Variants in UNC13C observed in about 807,000 individuals in gnomAD.
UNC13C encodes the protein protein unc-13 homolog C.
A neutral mutation model predicts 245.4 loss-of-function variants in UNC13C; 174 were observed. The observed-to-expected ratio is 0.71, with a 90% CI of 0.63 to 0.80. The LOEUF is 0.80. UNC13C is among the 30% of genes least tolerant of loss of function. UNC13C has a pLI of 0.00. For synonymous variants in UNC13C, 992 were observed against 895.1 expected, an observed-to-expected ratio of 1.11 and a Z score of -1.93; for missense variants, 2,829 against 2,602.9, an observed-to-expected ratio of 1.09 and a Z score of -1.89.
chr15:54,321,575 C>T (rs2414301), intron 13 of UNC13C: 77,276 of 389,516 alleles, frequency 0.2, 10,554 homozygotes, highest in East Asian at 0.73. Context: ...TCCCCGTCAC[C>T]CCTCAGACTC....
chr15:53,982,109 A>G (rs1408928786), intron 1 of UNC13C, among the ~76,000 whole-genome samples: 4 of 152,112 alleles, frequency 2.6e-5, no homozygotes, highest in African/African-American at 9.7e-5. Context: ...GTAATCATAA[A>G]AGATGGGCTT....
intron 2 of UNC13C, among the ~76,000 whole-genome samples, chr15:54,099,641 C>T (rs1166245185): frequency 6.6e-6 from 1 of 152,078 alleles, no homozygotes; most frequent in Non-Finnish European, 1.5e-5. Context: ...ATTCCTAAAC[C>T]TAAGTGCATC....
chr15:54,180,173 T>G (rs112536560), intron 4 of UNC13C, among the ~76,000 whole-genome samples: 1 of 151,986 alleles, frequency 6.6e-6, no homozygotes, highest in Non-Finnish European at 1.5e-5. Context: ...TCCGCTCTGA[T>G]AGTCCCCGGT....
chr15:54,100,352 T>C (rs1900099598), intron 2 of UNC13C, among the ~76,000 whole-genome samples: 1 of 152,204 alleles, frequency 6.6e-6, no homozygotes, highest in African/African-American at 2.4e-5. Context: ...GGTTACTCTC[T>C]GCTTATTGAC....
chr15:54,422,372 C>T (rs2040664278), intron 19 of UNC13C, among the ~76,000 whole-genome samples: 1 of 152,006 alleles, frequency 6.6e-6, no homozygotes, highest in Non-Finnish European at 1.5e-5. Context: ...TTCTTATGAT[C>T]CATTAGCTCA....
intron 9 of UNC13C, 51 bp downstream of exon 9, chr15:54,264,446 T>A: frequency 7.3e-7 from 1 of 1,372,308 alleles, no homozygotes; most frequent in Non-Finnish European, 1.0e-6. Context: ...GATTTTTATG[T>A]GCCCTAGAAA....
chr15:54,402,494 T>A (rs2040208102), intron 18 of UNC13C, among the ~76,000 whole-genome samples: 1 of 152,132 alleles, frequency 6.6e-6, no homozygotes, highest in African/African-American at 2.4e-5. Flanking sequence ...GATCTTGAAT[T>A]TTTCAAGGTT....
chr15:54,563,643 A>G (rs1897384916), intron 29 of UNC13C, among the ~76,000 whole-genome samples: 1 of 152,036 alleles, frequency 6.6e-6, no homozygotes, highest in Non-Finnish European at 1.5e-5. Flanking sequence ...TAAACCCCAC[A>G]TTTACAAATT....
At chr15:54,286,363 A>G (rs17818362) in intron 10 of UNC13C, among the ~76,000 whole-genome samples, 6,444 of 152,250 alleles carry the variant, frequency 0.042, 205 homozygotes, top group Non-Finnish European at 0.069. Context: ...AGTGTGAAGT[A>G]TATTTTAGTT....
intron 30 of UNC13C, among the ~76,000 whole-genome samples, chr15:54,620,167 G>T (rs771153519): frequency 6.6e-6 from 1 of 152,086 alleles, no homozygotes; most frequent in Non-Finnish European, 1.5e-5. Context: ...CCACCCAGGA[G>T]GTTTCAGAAA....
chr15:54,444,652 T>C (rs1890707748), intron 19 of UNC13C, among the ~76,000 whole-genome samples: 1 of 151,936 alleles, frequency 6.6e-6, no homozygotes, highest in South Asian at 2.1e-4. Flanking sequence ...GGATTTTCTA[T>C]AGTCATAACA....
intron 19 of UNC13C, among the ~76,000 whole-genome samples, chr15:54,487,792 CAGAGAG>C (rs10540751): frequency 1.5e-4 from 18 of 116,512 alleles, no homozygotes; most frequent in Non-Finnish European, 3.4e-4. Context: ...AAAAAAAAGA[CAGAGAG>C]AGAGAAAAGA....
chr15:54,174,419 A>AT (rs941987242), intron 4 of UNC13C, among the ~76,000 whole-genome samples: 1 of 152,054 alleles, frequency 6.6e-6, no homozygotes, highest in Non-Finnish European at 1.5e-5. Flanking sequence ...TTGTGGAGAG[A>AT]TTTTTCATAG....
intron 4 of UNC13C, among the ~76,000 whole-genome samples, chr15:54,217,020 T>C (rs1012756530): frequency 2.0e-5 from 3 of 152,088 alleles, no homozygotes; most frequent in Middle Eastern, 3.4e-3. Context: ...ATAAAGAAAA[T>C]CATTCTGCTT....
the UNC13C span, among the ~76,000 whole-genome samples, chr15:53,924,610 CTTTG>C: frequency 6.6e-6 from 1 of 152,118 alleles, no homozygotes; most frequent in African/African-American, 2.4e-5. Flanking sequence ...TTATCTTGTG[CTTTG>C]TTTAACCTAA....
At chr15:54,142,801 C>A (rs2141236414) in intron 2 of UNC13C, among the ~76,000 whole-genome samples, 1 of 152,270 alleles carries the variant, frequency 6.6e-6, no homozygotes, top group East Asian at 1.9e-4. Context: ...ATCCTGTAAT[C>A]ACTTTTATAC....
intron 27 of UNC13C, among the ~76,000 whole-genome samples, chr15:54,548,145 C>T (rs1016874873): frequency 4.7e-5 from 7 of 149,548 alleles, no homozygotes; most frequent in South Asian, 2.1e-4. Context: ...GCTCCACTTG[C>T]GTGAGCATTG....
intron 30 of UNC13C, among the ~76,000 whole-genome samples, chr15:54,594,722 T>C (rs1898977909): frequency 6.6e-6 from 1 of 152,182 alleles, no homozygotes; most frequent in South Asian, 2.1e-4. Flanking sequence ...GAGGGCAAGT[T>C]GGGCTTGAAA....
At chr15:54,481,189 T>C (rs1893085712) in intron 19 of UNC13C, among the ~76,000 whole-genome samples, 1 of 123,790 alleles carries the variant, frequency 8.1e-6, no homozygotes, top group South Asian at 2.8e-4. Flanking sequence ...GGCAATGCAT[T>C]GCTGTGGATG....
Sources: allele counts gnomAD v4.1 joint callset (sites outside exome capture counted in the v4.1 genomes callset), GRCh38; gene constraint gnomAD v4.1.1; transcripts MANE v1.5; gene names NCBI Gene and HGNC (gene_info 2026-07-23, HGNC 2026-07-21).